The following PPP2R5C variants were observed in gnomAD, a reference collection of about 807,000 sequenced individuals.
The protein encoded by PPP2R5C is serine/threonine-protein phosphatase 2A 56 kDa regulatory subunit gamma isoform.
Under a neutral mutation model 68.9 loss-of-function variants are expected in PPP2R5C, and 7 were observed. The observed-to-expected ratio is 0.10, with a 90% CI of 0.06 to 0.19. The LOEUF (loss-of-function observed/expected upper bound fraction) is 0.19, where lower values mean the gene tolerates loss of function less well. Ranked by LOEUF, PPP2R5C falls within the 10% of genes least tolerant of loss-of-function variation. The pLI is 1.00. For synonymous variants in PPP2R5C, 210 were observed against 222.2 expected, an observed-to-expected ratio of 0.95 and a Z score of 0.49; for missense variants, 348 against 641.3, an observed-to-expected ratio of 0.54 and a Z score of 4.94.
At position 101,810,102 on chromosome 14, in the gene PPP2R5C, T is replaced by C. The variant is rs2039264318; in HGVS notation, c.94+66T>C. ...GGTAGTTAATAAATGGCTATTGTGC[T>C]TCAGATAAGAAAAGCAGGAAGTCCT... is the stretch of plus-strand genomic sequence containing the variant. On this transcript the variant is annotated intron_variant, in intron 1 of 13. Transcript: ENST00000334743. The C allele has an allele frequency of 2.1e-6, 3 of 1,423,998 alleles. No homozygotes were observed. The South Asian group carries it at 3.5e-5, about 17-fold the overall frequency. 88.2% of individuals were successfully genotyped at this position (1,423,998 alleles called of 1,614,324 possible). A position where few individuals can be genotyped will look rare whatever the true frequency, so the allele number is the denominator to read the frequency against.
At chr14:101,804,762 A>T (rs2039009950) in intron 3 of PPP2R5C, among the ~76,000 whole-genome samples, 1 of 152,208 alleles carries the variant, frequency 6.6e-6, no homozygotes, top group Admixed American at 6.5e-5. Flanking sequence ...GTCAATGGGT[A>T]CAAAAAAAGT....
In PPP2R5C at chr14:101,825,500, C is replaced by G. The variant is rs888042830; in HGVS notation, c.94+15464C>G. 9.2e-5 allele frequency among the ~76,000 whole-genome samples: 14 copies of G among 152,098 alleles called. No individual in the cohort carries two copies. The highest frequency in any genetic ancestry group is 8.8e-5 in the Non-Finnish European group (6 of 68,022). On this transcript the variant is annotated intron_variant, in intron 1 of 13. Coordinates refer to ENST00000334743, the Ensembl canonical transcript of PPP2R5C. This position sits in a 1 kb window ranked among gnomAD's most constrained non-coding sequence, Gnocchi z 4.0. ...TGCACGCTCCCAGCTTTTGCCCAGC[C>G]TATTTGGGGTGCACACGCTCATCGA...
At chr14:101,846,799 C>G (rs1029229642) in intron 1 of PPP2R5C, among the ~76,000 whole-genome samples, 3 of 152,168 alleles carry the variant, frequency 2.0e-5, no homozygotes, top group African/African-American at 2.4e-5. Flanking sequence ...AACTGCCTAC[C>G]TCTGGCTTCT....
At chr14:101,853,099 G>A (rs750331392) in intron 1 of PPP2R5C, among the ~76,000 whole-genome samples, 6 of 151,950 alleles carry the variant, frequency 3.9e-5, no homozygotes, top group Non-Finnish European at 7.3e-5. Context: ...TCCTGTCAAC[G>A]CAGCAGAAAA....
intron 3 of PPP2R5C, among the ~76,000 whole-genome samples, chr14:101,786,989 C>T (rs188905282): frequency 6.6e-4 from 101 of 152,218 alleles, no homozygotes; most frequent in African/African-American, 2.2e-3. Flanking sequence ...CAGTGGCTCG[C>T]GCTTATAATC....
chr14:101,858,142 C>G (rs567004495), intron 2 of PPP2R5C, among the ~76,000 whole-genome samples: 1 of 152,254 alleles, frequency 6.6e-6, no homozygotes, highest in South Asian at 2.1e-4. Context: ...ATAAACTGAG[C>G]AGAGAATATA....
At chr14:101,799,103 C>G (rs1028712885) in intron 3 of PPP2R5C, among the ~76,000 whole-genome samples, 1 of 152,190 alleles carries the variant, frequency 6.6e-6, no homozygotes, top group Admixed American at 6.5e-5. Context: ...TCTGTAGGAG[C>G]TGGACCAAGG....
chr14:101,787,623 C>T (rs1203687295), intron 3 of PPP2R5C, among the ~76,000 whole-genome samples: 1 of 151,894 alleles, frequency 6.6e-6, no homozygotes. Flanking sequence ...CAAAATTAGC[C>T]AGGCGTGGTG....
rs10588262 is a variant in PPP2R5C at position 101,825,211 on chromosome 14, CGTGTGTGTGTGTGTGTGT to C, written c.94+15196_94+15213del. Among the ~76,000 whole-genome samples, 8 of 143,110 alleles carry C rather than the reference CGTGTGTGTGTGTGTGTGT, an allele frequency of 5.6e-5. No homozygotes were observed. In the East Asian group the frequency reaches 1.2e-3, roughly 22 times the overall value. The allele number at this position is 143,110 out of a possible 152,430, so 93.9% of individuals were successfully genotyped here. On this transcript the variant is annotated intron_variant, in intron 1 of 13. Transcript: ENST00000334743. This position sits in a 1 kb window ranked among gnomAD's most constrained non-coding sequence, Gnocchi z 4.0. The stretch of plus-strand genomic sequence containing the variant: ...AGGGATAGGATAAGAGGGTTTTCAG[CGTGTGTGTGTGTGTGTGT>C]GTGTGTGTGTGTGTGTGTGTTGATG...
At chr14:101,817,689 C>T (rs2039804913) in intron 1 of PPP2R5C, among the ~76,000 whole-genome samples, 1 of 151,756 alleles carries the variant, frequency 6.6e-6, no homozygotes, top group East Asian at 1.9e-4. Flanking sequence ...GATCACCCCC[C>T]ATCCCCCACC....
intron 2 of PPP2R5C, among the ~76,000 whole-genome samples, chr14:101,780,122 C>G (rs2037605031): frequency 6.6e-6 from 1 of 152,130 alleles, no homozygotes; most frequent in African/African-American, 2.4e-5. Flanking sequence ...GTAAGTCCCA[C>G]CTGTGGTATC....
At chr14:101,810,391 G>T (rs7143539) in intron 1 of PPP2R5C, 24,637 of 196,730 alleles carry the variant, frequency 0.13, 1,677 homozygotes, top group Admixed American at 0.18. Context: ...GTCGCGCCTG[G>T]CCAAGTTGTT....
Position 101,894,579 on chromosome 14 carries a change from G to A in PPP2R5C, c.852+19G>A, listed in dbSNP as rs2251246. ...GGAACCAGTAAGTACTGATGCTAGC[G>A]CGTCTTGTAAGATGTGTGCATTTCA... On this transcript the variant is annotated intron_variant, in intron 8 of 13. Transcript: ENST00000334743. The A allele has an allele frequency of 0.12, 196,114 of 1,605,442 alleles. 14,601 individuals carry two copies. Among genetic ancestry groups the A allele is most frequent in the African/African-American group, 0.35 (25,871 of 74,656 alleles).
intron 2 of PPP2R5C, among the ~76,000 whole-genome samples, chr14:101,774,533 A>T (rs547463779): frequency 8.5e-5 from 13 of 152,126 alleles, no homozygotes; most frequent in African/African-American, 3.1e-4. Context: ...CCTCGGGGGG[A>T]TTCTGTAGGG....
intron 1 of PPP2R5C, among the ~76,000 whole-genome samples, chr14:101,831,379 A>G (rs2040728387): frequency 6.6e-6 from 1 of 152,244 alleles, no homozygotes; most frequent in East Asian, 1.9e-4. Context: ...ATTAAAGGAA[A>G]CAAAATAACT....
rs148602783 is a variant in PPP2R5C, at chr14:101,786,027, G to A, written c.103G>A (p.Val35Ile). 2.0e-3 allele frequency: 3,004 copies of A among 1,521,556 alleles called. 53 individuals carry two copies. The African/African-American group carries it at 0.037, about 19-fold the overall frequency. The allele number at this position is 1,521,556 out of a possible 1,614,324, so 94.3% of individuals were successfully genotyped here. ...GTTTTTGTTTTGGAAGCAAATTTCC[G>A]TCAGGAAAAACAGCCTTGTTGCTGT... The change falls in exon 3 of 15, where the codon GTC becomes ATC. Residue 35 changes from valine to isoleucine, a missense_variant. By Grantham distance (29) the Val-to-Ile change is conservative. Coordinates refer to the PPP2R5C transcript ENST00000328724.
In PPP2R5C at chr14:101,882,280, C is replaced by T. The variant is rs2044213195; in HGVS notation, c.405+9C>T. The T allele has an allele frequency of 3.1e-6, 5 of 1,594,690 alleles. No homozygotes were observed. The South Asian group carries it at 3.4e-5, about 11-fold the overall frequency. ...CCTGGCCTCATCTACAGGTATCGGG[C>T]TCTGGGTGATAGACTCGGAGGGCAC... On this transcript the variant is annotated intron_variant, in intron 3 of 13. Coordinates refer to ENST00000334743, the Ensembl canonical transcript of PPP2R5C. This position sits in a 1 kb window ranked among gnomAD's most constrained non-coding sequence, Gnocchi z 4.9.
intron 12 of PPP2R5C, 21 bp downstream of exon 14, chr14:101,912,494 A>G: frequency 6.3e-7 from 1 of 1,596,662 alleles, no homozygotes; most frequent in Non-Finnish European, 8.5e-7. Context: ...AGAGAATAAC[A>G]TGAAAACGCC....
At chr14:101,768,825 C>CT (rs57812551) in intron 2 of PPP2R5C, among the ~76,000 whole-genome samples, 330 of 139,166 alleles carry the variant, frequency 2.4e-3, no homozygotes, top group East Asian at 4.4e-3. Flanking sequence ...ATCCTTTCAT[C>CT]TTTTTTTTTT....
Sources: allele counts gnomAD v4.1 joint callset (sites outside exome capture counted in the v4.1 genomes callset), GRCh38; gene constraint gnomAD v4.1.1; non-coding constraint Gnocchi (gnomAD v3.1); transcripts MANE v1.5; gene names NCBI Gene and HGNC (gene_info 2026-07-23, HGNC 2026-07-21).